The following ZNF469 variants were observed in gnomAD, a reference collection of about 807,000 sequenced individuals.
ZNF469 encodes zinc finger protein 469.
In ZNF469, 1 loss-of-function variant was observed where a neutral mutation model predicts 1.0. The observed-to-expected ratio is 1.00, with a 90% CI of 0.35 to 4.73. ZNF469 has a LOEUF of 4.73. ZNF469 is among the 30% of genes most tolerant of loss of function. The pLI, the probability that ZNF469 is intolerant of heterozygous loss-of-function variation, is 0.16. For synonymous variants in ZNF469, 2,703 were observed against 2,363.4 expected, an observed-to-expected ratio of 1.14 and a Z score of -4.17; for missense variants, 6,100 against 5,356.3, an observed-to-expected ratio of 1.14 and a Z score of -4.33.
chr16:88,299,909 G>A, the ZNF469 span, among the ~76,000 whole-genome samples: 1 of 152,212 alleles, frequency 6.6e-6, no homozygotes, highest in South Asian at 2.1e-4. Flanking sequence ...CAGCATTGCA[G>A]GGCGCTTGTT....
At chr16:88,143,568 C>T in the ZNF469 span, among the ~76,000 whole-genome samples, 1 of 151,896 alleles carries the variant, frequency 6.6e-6, no homozygotes, top group African/African-American at 2.4e-5. Flanking sequence ...CCATGCGTCT[C>T]CCTGCAGCAG....
At chr16:88,149,258 A>T in the ZNF469 span, among the ~76,000 whole-genome samples, 1 of 152,228 alleles carries the variant, frequency 6.6e-6, no homozygotes, top group Non-Finnish European at 1.5e-5. Flanking sequence ...TGCACAGGCC[A>T]CATGGGAGAC....
chr16:88,208,803 ACTCTCTCT>A, the ZNF469 span, among the ~76,000 whole-genome samples: 3,208 of 123,528 alleles, frequency 0.026, 106 homozygotes, highest in African/African-American at 0.076. Flanking sequence ...ACACACACAC[ACTCTCTCT>A]CTCTCTCTCT....
At chr16:88,409,891 GC>G (rs1905103710) in intron 1 of ZNF469, among the ~76,000 whole-genome samples, 2 of 139,798 alleles carry the variant, frequency 1.4e-5, no homozygotes, top group African/African-American at 5.6e-5. Context: ...GGGGCGCGGG[GC>G]GTTCCAGGGC....
intron 1 of ZNF469, among the ~76,000 whole-genome samples, chr16:88,388,706 G>C (rs1904405084): frequency 6.6e-6 from 1 of 152,330 alleles, no homozygotes; most frequent in East Asian, 1.9e-4. Flanking sequence ...CGGAGAGCCT[G>C]ATGCCAGGGC....
the ZNF469 span, among the ~76,000 whole-genome samples, chr16:88,203,604 G>A: frequency 6.6e-6 from 1 of 152,160 alleles, no homozygotes; most frequent in Admixed American, 6.5e-5. Context: ...CATGCTGCCT[G>A]GGGGGTCTCC....
the ZNF469 span, among the ~76,000 whole-genome samples, chr16:88,367,790 T>C: frequency 6.6e-6 from 1 of 152,268 alleles, no homozygotes; most frequent in African/African-American, 2.4e-5. Flanking sequence ...CATGGCCCCA[T>C]CTGGAATTCC....
the ZNF469 span, among the ~76,000 whole-genome samples, chr16:88,323,978 G>C: frequency 2.9e-3 from 436 of 152,280 alleles, 2 homozygotes; most frequent in African/African-American, 9.8e-3. Context: ...AAACCAAGCA[G>C]AGTTACTTAT....
At chr16:88,350,049 C>A in the ZNF469 span, among the ~76,000 whole-genome samples, 2 of 152,138 alleles carry the variant, frequency 1.3e-5, no homozygotes, top group African/African-American at 4.8e-5. Context: ...CACACAGACA[C>A]CCCCAGCTTC....
chr16:88,356,156 TC>T, the ZNF469 span, among the ~76,000 whole-genome samples: 1 of 152,124 alleles, frequency 6.6e-6, no homozygotes, highest in Non-Finnish European at 1.5e-5. Flanking sequence ...GTACCCTCCA[TC>T]CCTCGTGCCC....
At chr16:88,316,063 G>A in the ZNF469 span, among the ~76,000 whole-genome samples, 1 of 152,238 alleles carries the variant, frequency 6.6e-6, no homozygotes, top group Non-Finnish European at 1.5e-5. Flanking sequence ...CAGGGCACAT[G>A]CTGCCACCAC....
chr16:88,396,172 G>C (rs1242618447), intron 1 of ZNF469, among the ~76,000 whole-genome samples: 1 of 152,270 alleles, frequency 6.6e-6, no homozygotes, highest in Non-Finnish European at 1.5e-5. Flanking sequence ...ACAACTCATA[G>C]AACACAATAG....
the ZNF469 span, among the ~76,000 whole-genome samples, chr16:88,319,697 G>A: frequency 3.9e-5 from 6 of 152,292 alleles, no homozygotes; most frequent in East Asian, 1.9e-4. Context: ...CAAACTCGAC[G>A]CCTTGGGTTT....
chr16:88,193,566 G>C, the ZNF469 span: 1 of 152,388 alleles, frequency 6.6e-6, no homozygotes, highest in Non-Finnish European at 1.5e-5. Context: ...GCTGGGTGTG[G>C]TGGTGTGCAC....
Position 88,434,602 on chromosome 16 carries a change from G to A in ZNF469, c.7132G>A (p.Glu2378Lys), listed in dbSNP as rs1236494559. ...GEMGTSSKEP[E>K]DPGTPETGRS... ...GATGGGGACCAGCAGCAAGGAGCCG[G>A]AGGACCCAGGGACCCCTGAGACCGG... Residue 2378 changes from glutamate to lysine, a missense_variant, in exon 3 of 3, where the codon GAG (glutamate) becomes AAG (lysine). Physicochemically the swap from Glu to Lys is moderately conservative, Grantham distance 56. Coordinates refer to ENST00000565624, the MANE Select transcript of ZNF469 (RefSeq NM_001367624.2). 6.5e-7 allele frequency: 1 copy of A among 1,550,308 alleles called. No homozygotes were observed. Among genetic ancestry groups the A allele is most frequent in the Non-Finnish European group, 8.7e-7 (1 of 1,146,938 alleles).
At chr16:88,122,978 C>T in the ZNF469 span, among the ~76,000 whole-genome samples, 50 of 151,878 alleles carry the variant, frequency 3.3e-4, no homozygotes, top group Middle Eastern at 3.4e-3. Context: ...TACAGGTGCC[C>T]GCCATTGGGT....
At chr16:88,241,789 G>A in the ZNF469 span, among the ~76,000 whole-genome samples, 2 of 152,176 alleles carry the variant, frequency 1.3e-5, no homozygotes, top group Admixed American at 1.3e-4. This position sits in a 1 kb window ranked among gnomAD's most constrained non-coding sequence, Gnocchi z 4.8. Context: ...TGGGGCCGGT[G>A]GAACAACGTG....
chr16:88,125,982 A>G, the ZNF469 span, among the ~76,000 whole-genome samples: 1 of 151,712 alleles, frequency 6.6e-6, no homozygotes. Context: ...TGAGCTCAGG[A>G]GTTTGAGACG....
chr16:88,369,098 G>A, the ZNF469 span, among the ~76,000 whole-genome samples: 1 of 151,650 alleles, frequency 6.6e-6, no homozygotes, highest in African/African-American at 2.4e-5. Context: ...AAAAGCCCTG[G>A]GCGGCAGGTC....
Sources: gnomAD v4.1 joint callset for allele counts (sites outside exome capture counted in the v4.1 genomes callset) on GRCh38, gnomAD v4.1.1 for gene constraint, Gnocchi (gnomAD v3.1) non-coding constraint, MANE v1.5 for transcripts, NCBI Gene and HGNC (gene_info 2026-07-23, HGNC 2026-07-21) for gene names.